The following DUSP10 variants were observed in gnomAD, a reference collection of about 807,000 sequenced individuals.
DUSP10 encodes the protein dual specificity phosphatase 10, also known as dual specificity protein phosphatase 10.
In DUSP10, 14 loss-of-function variants were observed where a neutral mutation model predicts 30.8. The observed-to-expected ratio is 0.46, with a 90% confidence interval of 0.30 to 0.71. The LOEUF is 0.71. Among genes scored for constraint, DUSP10 ranks in the 30% least tolerant of loss-of-function variants. The pLI, the probability that DUSP10 is intolerant of heterozygous loss-of-function variation, is 0.08. For missense variants in DUSP10, 550 were observed against 619.4 expected (o/e 0.89, Z 1.19); for synonymous variants, 254 against 250.4 (o/e 1.01, Z -0.14).
At chr1:221,711,729 A>G (rs945438985) in intron 2 of DUSP10, 5 of 152,256 alleles carry the variant, frequency 3.3e-5, no homozygotes, top group Admixed American at 2.6e-4. Flanking sequence ...CAGAGCTCTC[A>G]ATATGGATAA....
rs528138968 is a variant in DUSP10 at position 221,711,482 on chromosome 1, T to A, written c.812-5016A>T. 2.0e-5 allele frequency among the ~76,000 whole-genome samples: 3 copies of A among 152,298 alleles called. No homozygotes were observed. The East Asian group carries it at 5.8e-4, about 29-fold the overall frequency. On this transcript the variant is annotated intron_variant, in intron 2 of 3. Transcript: ENST00000366899. ...GGCTAAAATTGGACTCTTCTACAGT[T>A]TGCTATAAGCATATTGATCACCCCT...
intron 2 of DUSP10, among the ~76,000 whole-genome samples, chr1:221,711,262 C>T (rs1043253771): frequency 2.6e-5 from 4 of 152,166 alleles, no homozygotes; most frequent in Admixed American, 6.5e-5. Flanking sequence ...AGAAGCAATG[C>T]GCTGGGTTGT....
At chr1:221,729,553 G>C (rs1364627130) in intron 2 of DUSP10, among the ~76,000 whole-genome samples, 1 of 152,168 alleles carries the variant, frequency 6.6e-6, no homozygotes, top group Non-Finnish European at 1.5e-5. Context: ...ATAAAAGTCA[G>C]GATATAAAAT....
At chr1:221,733,945 C>G (rs1661690309) in intron 2 of DUSP10, among the ~76,000 whole-genome samples, 1 of 152,212 alleles carries the variant, frequency 6.6e-6, no homozygotes, top group African/African-American at 2.4e-5. Flanking sequence ...CCCAAAAGCT[C>G]AGAGAGAGGA....
chr1:221,733,446 G>A (rs1206050980), intron 2 of DUSP10, among the ~76,000 whole-genome samples: 1 of 152,204 alleles, frequency 6.6e-6, no homozygotes, highest in Admixed American at 6.5e-5. Context: ...ACTTGTCCAT[G>A]ACAAGCTGGA....
At chr1:221,710,197 T>C (rs914256818) in intron 2 of DUSP10, among the ~76,000 whole-genome samples, 2 of 152,190 alleles carry the variant, frequency 1.3e-5, no homozygotes, top group Non-Finnish European at 2.9e-5. Flanking sequence ...CCCAATATCA[T>C]CACCTTTGTT....
chr1:221,741,414 T>TCACACA (rs138055497), intron 1 of DUSP10, among the ~76,000 whole-genome samples: 1 of 150,158 alleles, frequency 6.7e-6, no homozygotes, highest in East Asian at 2.0e-4. Context: ...AGTTCAAGGC[T>TCACACA]CACACACACA....
Position 221,739,779 on chromosome 1 carries a change from C to A in DUSP10, c.-35G>T. On this transcript the variant is annotated 5_prime_UTR_variant, in exon 2 of 4. It removes the in-frame stop codon of an upstream open reading frame in the 5' UTR. Transcript: ENST00000366899. ...GAAAACTGGCAATTCAAGAAGAACT[C>A]AAGACAGTCTGTAAAGAAGGGGAAG... The A allele has an allele frequency of 6.5e-7, 1 of 1,535,668 alleles. No homozygotes were observed.
Position 221,702,822 on chromosome 1 carries a change from A to T in DUSP10, c.1184-145T>A. ...GTTTTAAAGCCAAGTATAATCCACT[A>T]GTTCATTACGTATACTTATGTCACA... On this transcript the variant is annotated intron_variant, in intron 3 of 3. Transcript: ENST00000366899. The surrounding 1 kb of genome is among the most constrained non-coding windows in gnomAD (Gnocchi z 4.5). 1 of 835,390 alleles carries T rather than the reference A, an allele frequency of 1.2e-6. No homozygotes were observed. Among genetic ancestry groups the T allele is most frequent in the Non-Finnish European group, 1.8e-6 (1 of 549,974 alleles). The allele number at this position is 835,390 out of a possible 1,614,324, so 51.7% of individuals were successfully genotyped here. A position where few individuals can be genotyped will look rare whatever the true frequency, so the allele number is the denominator to read the frequency against.
chr1:221,732,454 G>A (rs1369647209), intron 2 of DUSP10, among the ~76,000 whole-genome samples: 1 of 152,112 alleles, frequency 6.6e-6, no homozygotes, highest in Non-Finnish European at 1.5e-5. Context: ...TCAGACTTTG[G>A]TCTTTTTAGT....
intron 2 of DUSP10, among the ~76,000 whole-genome samples, chr1:221,720,608 C>T (rs555899821): frequency 6.6e-6 from 1 of 152,150 alleles, no homozygotes; most frequent in Non-Finnish European, 1.5e-5. Flanking sequence ...CTGAAGCTAA[C>T]ACCAGGTAGA....
chr1:221,726,440 T>C (rs140865555), intron 2 of DUSP10, among the ~76,000 whole-genome samples: 1,716 of 152,218 alleles, frequency 0.011, 50 homozygotes, highest in East Asian at 0.062. Context: ...GAAGCAAAAG[T>C]ACATGCAATA....
Position 221,706,401 on chromosome 1 carries a change from A to T in DUSP10, c.877T>A (p.Cys293Ser). The change falls in exon 3 of 4, where the codon TGC (cysteine) becomes AGC (serine). Residue 293 changes from cysteine (C) to serine (S), a missense_variant. Physicochemically the swap from Cys to Ser is moderately radical, Grantham distance 112 (BLOSUM62 -1). Coordinates refer to ENST00000366899, the MANE Select transcript of DUSP10 (RefSeq NM_007207.6). The surrounding 1 kb of genome is among the most constrained non-coding windows in gnomAD (Gnocchi z 4.6). ...GATGCGCCGCCCCCCACCTCCCGGC[A>T]CTCTTGGAGCTGGAGGGAGTTGTCA... ...LCDNSLQLQE[C>S]REVGGGASAA... 1 of 1,571,288 alleles carries T rather than the reference A, an allele frequency of 6.4e-7. No individual in the cohort carries two copies. The highest frequency in any genetic ancestry group is 1.4e-5 in the African/African-American group (1 of 73,984).
chr1:221,739,379 C>A lies in DUSP10; in HGVS notation c.366G>T (p.Glu122Asp). Reference protein sequence around the residue: ...CPANQMVNNNENTGSLSPSSG... With the variant: ...CPANQMVNNNDNTGSLSPSSG... ...TTGATGGACTTAGAGAGCCTGTATT[C>A]TCATTATTGTTGACCATCTGGTTAG... The change falls in exon 2 of 4, where the codon GAG (glutamate) becomes GAT (aspartate). Residue 122 changes from glutamate to aspartate, a missense_variant. Transcript: ENST00000366899. 3 of 1,614,162 alleles carry A rather than the reference C, an allele frequency of 1.9e-6. No homozygotes were observed. Among genetic ancestry groups the A allele is most frequent in the Non-Finnish European group, 8.5e-7 (1 of 1,180,026 alleles).
intron 2 of DUSP10, among the ~76,000 whole-genome samples, chr1:221,725,929 T>C (rs1348805875): frequency 1.3e-5 from 2 of 152,196 alleles, no homozygotes; most frequent in African/African-American, 4.8e-5. Context: ...TGCCAGATCA[T>C]TCACTTCCAC....
At chr1:221,710,947 G>A (rs1373930788) in intron 2 of DUSP10, among the ~76,000 whole-genome samples, 3 of 152,162 alleles carry the variant, frequency 2.0e-5, no homozygotes, top group East Asian at 1.9e-4. Context: ...GAGGCAAGGC[G>A]GGGTGGGGGG....
intron 2 of DUSP10, among the ~76,000 whole-genome samples, chr1:221,736,007 C>T (rs978051273): frequency 1.3e-5 from 2 of 152,136 alleles, no homozygotes; most frequent in African/African-American, 4.8e-5. Context: ...GGTCTGATGC[C>T]ATTTATTCTT....
intron 2 of DUSP10, among the ~76,000 whole-genome samples, chr1:221,725,994 A>C (rs77767154): frequency 1.3e-5 from 2 of 152,218 alleles, no homozygotes; most frequent in East Asian, 1.9e-4. Context: ...TCCTCACTCT[A>C]TCCACCAAAG....
rs186037559 is a variant in DUSP10 at position 221,709,900 on chromosome 1, A to G, written c.812-3434T>C. Among the ~76,000 whole-genome samples, 14 of 152,278 alleles carry G rather than the reference A, an allele frequency of 9.2e-5. No individual in the cohort carries two copies. In the East Asian group the frequency reaches 2.5e-3, roughly 27 times the overall value. On this transcript the variant is annotated intron_variant, in intron 2 of 3. Coordinates refer to ENST00000366899, the MANE Select transcript of DUSP10 (RefSeq NM_007207.6). ...GAGGAACCCTGATGATGTTATGTTT[A>G]TTACTATTTAAGAATATTAGAACAT...
Sources: gnomAD v4.1 joint callset for allele counts (sites outside exome capture counted in the v4.1 genomes callset) on GRCh38, gnomAD v4.1.1 for gene constraint, Gnocchi (gnomAD v3.1) non-coding constraint, MANE v1.5 for transcripts, NCBI Gene and HGNC (gene_info 2026-07-23, HGNC 2026-07-21) for gene names.